Variants in HEXB observed in about 807,000 individuals in gnomAD.
HEXB encodes the protein hexosaminidase subunit beta, also known as beta-hexosaminidase subunit beta.
In HEXB, 51 loss-of-function variants were observed where a neutral mutation model predicts 71.2. The ratio of observed to expected loss-of-function variants is 0.72; its 90% CI spans 0.57 to 0.90. HEXB has a LOEUF of 0.90. Among genes scored for constraint, HEXB ranks in the 40% least tolerant of loss-of-function variants. HEXB has a pLI of 0.00. For missense variants in HEXB, 617 were observed against 677.0 expected, an observed-to-expected ratio of 0.91 and a Z score of 0.98; for synonymous variants, 266 against 249.3, an observed-to-expected ratio of 1.07 and a Z score of -0.63.
chr5:74,702,281 T>C (rs902903591), intron 5 of HEXB, among the ~76,000 whole-genome samples: 1 of 151,168 alleles, frequency 6.6e-6, no homozygotes, highest in Non-Finnish European at 1.5e-5. Context: ...GGTTTCACCG[T>C]TTTAGCCGGG....
chr5:74,691,316 C>G (rs1748998974), intron 2 of HEXB, among the ~76,000 whole-genome samples: 3 of 152,086 alleles, frequency 2.0e-5, no homozygotes, highest in Admixed American at 2.0e-4. Flanking sequence ...TATGCATGCC[C>G]TGAGAAGTGG....
intron 2 of HEXB, among the ~76,000 whole-genome samples, chr5:74,690,084 TA>T (rs1488568172): frequency 6.6e-6 from 1 of 152,120 alleles, no homozygotes; most frequent in Non-Finnish European, 1.5e-5. Flanking sequence ...AATGCAGAGC[TA>T]GGGGAGAGGG....
chr5:74,663,265 A>G (rs980093199), intron 1 of HEXB, among the ~76,000 whole-genome samples: 10 of 151,906 alleles, frequency 6.6e-5, no homozygotes, highest in African/African-American at 2.4e-4. Context: ...ATCTCGACTC[A>G]CTGCAACCTC....
At chr5:74,713,202 C>G (rs1416719795) in intron 6 of HEXB, among the ~76,000 whole-genome samples, 1 of 152,116 alleles carries the variant, frequency 6.6e-6, no homozygotes, top group African/African-American at 2.4e-5. Flanking sequence ...CTGCGGTTAG[C>G]CCAAAGTATA....
chr5:74,670,469 AC>A (rs113036475), intron 1 of HEXB, among the ~76,000 whole-genome samples: 27,036 of 151,964 alleles, frequency 0.18, 2,666 homozygotes, highest in Middle Eastern at 0.33. Context: ...TGAAACAAGA[AC>A]CCAAGACCCA....
At chr5:74,711,468 G>A (rs62366368) in intron 6 of HEXB, among the ~76,000 whole-genome samples, 2 of 151,986 alleles carry the variant, frequency 1.3e-5, no homozygotes, top group African/African-American at 2.4e-5. Context: ...TTCTGCACAG[G>A]AAAAGAAACT....
upstream of HEXB, among the ~76,000 whole-genome samples, chr5:74,682,433 A>G (rs1166557542): frequency 6.6e-6 from 1 of 152,206 alleles, no homozygotes; most frequent in East Asian, 1.9e-4. Context: ...CCTTCAGACA[A>G]CTGCAACTTC....
At chr5:74,691,465 A>C (rs186871621) in intron 2 of HEXB, among the ~76,000 whole-genome samples, 4 of 152,308 alleles carry the variant, frequency 2.6e-5, no homozygotes, top group African/African-American at 9.6e-5. Flanking sequence ...ATCTATACTA[A>C]ACAGTATAAT....
intron 1 of HEXB, among the ~76,000 whole-genome samples, chr5:74,677,521 C>T (rs1319005723): frequency 2.6e-5 from 3 of 113,428 alleles, no homozygotes; most frequent in Non-Finnish European, 5.1e-5. Flanking sequence ...TTTGGTACTA[C>T]TCTCAGAGGT....
intron 3 of HEXB, among the ~76,000 whole-genome samples, chr5:74,694,581 G>A (rs1173604966): frequency 6.6e-6 from 1 of 152,020 alleles, no homozygotes; most frequent in Admixed American, 6.6e-5. Flanking sequence ...TTCTTTCTAG[G>A]CAGATAAGAT....
chr5:74,713,751 C>A (rs1749609352), intron 7 of HEXB, 116 bp downstream of exon 7: 1 of 817,276 alleles, frequency 1.2e-6, no homozygotes, highest in African/African-American at 1.7e-5. Context: ...GCAACCTCCA[C>A]CTCCCAGGAT....
chr5:74,677,296 G>GC (rs1748649338), intron 1 of HEXB, among the ~76,000 whole-genome samples: 1 of 152,080 alleles, frequency 6.6e-6, no homozygotes, highest in Non-Finnish European at 1.5e-5. Context: ...TTACACATTT[G>GC]CATGACTAAG....
intron 1 of HEXB, among the ~76,000 whole-genome samples, chr5:74,671,792 A>G (rs1748545232): frequency 6.6e-6 from 1 of 152,142 alleles, no homozygotes; most frequent in South Asian, 2.1e-4. Context: ...TTTTTTTCAA[A>G]GCTCTCAAGA....
chr5:74,719,464 C>G (rs1464830213), intron 11 of HEXB, among the ~76,000 whole-genome samples: 1 of 152,124 alleles, frequency 6.6e-6, no homozygotes, highest in African/African-American at 2.4e-5. Flanking sequence ...GCTTCAGGCT[C>G]TCAGATCCCC....
intron 5 of HEXB, 117 bp downstream of exon 5, chr5:74,697,223 G>A (rs913660197): frequency 1.2e-5 from 8 of 685,126 alleles, no homozygotes; most frequent in Non-Finnish European, 1.9e-5. Flanking sequence ...ATAAGCACTG[G>A]GCATTCTTTC....
Position 74,705,221 on chromosome 5 carries a change from T to C in HEXB, c.672T>C (p.Asp224=), listed in dbSNP as rs761223179. The change falls in exon 6 of 14, where the codon GAT becomes GAC. Residue 224 remains aspartate, a splice_region_variant and synonymous_variant. Transcript: ENST00000261416. ...LPVKIILKTL[D]AMAFNKFNVL... The stretch of plus-strand genomic sequence containing the variant: ...TTTTTAAATATGTTTGCTTGCAGGA[T>C]GCCATGGCTTTTAATAAGTTTAATG... 9 of 1,586,016 alleles carry C rather than the reference T, an allele frequency of 5.7e-6. No individual in the cohort carries two copies. Among genetic ancestry groups the C allele is most frequent in the African/African-American group, 1.3e-5 (1 of 74,274 alleles).
intron 1 of HEXB, among the ~76,000 whole-genome samples, chr5:74,687,784 C>G (rs1183477428): frequency 1.3e-5 from 2 of 152,122 alleles, no homozygotes; most frequent in Admixed American, 6.5e-5. Flanking sequence ...TTTAATCTGT[C>G]AGGGTTTTCC....
intron 5 of HEXB, among the ~76,000 whole-genome samples, chr5:74,702,131 T>C (rs967304787): frequency 3.4e-5 from 4 of 117,662 alleles, no homozygotes; most frequent in Non-Finnish European, 6.5e-5. Flanking sequence ...CAGGCTGGAG[T>C]GCAGTGGCGG....
At position 74,720,475 on chromosome 5, in the gene HEXB, T is replaced by C. The variant is rs1447056657; in HGVS notation, c.1465T>C (p.Trp489Arg). ...QLFIGGEACL[W>R]GEYVDATNLT... The stretch of plus-strand genomic sequence containing the variant: ...TTTCATTGGTGGAGAAGCTTGTCTA[T>C]GGGGAGAATATGTGGATGCAACTAA... The change falls in exon 12 of 14, where the codon TGG becomes CGG. Residue 489 changes from tryptophan (W) to arginine (R), a missense_variant. Trp to Arg is a moderately radical substitution (Grantham distance 101). Coordinates refer to ENST00000261416, the MANE Select transcript of HEXB (RefSeq NM_000521.4). 4 of 1,613,742 alleles carry C rather than the reference T, an allele frequency of 2.5e-6. No individual in the cohort carries two copies. Among genetic ancestry groups the C allele is most frequent in the Non-Finnish European group, 3.4e-6 (4 of 1,179,598 alleles).
Sources: allele counts gnomAD v4.1 joint callset (sites outside exome capture counted in the v4.1 genomes callset), GRCh38; gene constraint gnomAD v4.1.1; transcripts MANE v1.5; gene names NCBI Gene and HGNC (gene_info 2026-07-23, HGNC 2026-07-21).